Variants in MTUS2 observed in about 807,000 individuals in gnomAD.
The protein encoded by MTUS2 is microtubule-associated tumor suppressor candidate 2.
In MTUS2, 40 loss-of-function variants were observed where a neutral mutation model predicts 114.1. The ratio of observed to expected loss-of-function variants is 0.35; its 90% confidence interval spans 0.27 to 0.46. MTUS2 has a LOEUF of 0.46. Among genes scored for constraint, MTUS2 ranks in the 20% least tolerant of loss-of-function variants. The probability of loss-of-function intolerance (pLI) is 1.00; values close to 1 mark genes in which losing one functional copy is unlikely to be tolerated. For synonymous variants in MTUS2, 688 were observed against 672.0 expected (o/e 1.02, Z -0.37); for missense variants, 1,679 against 1,705.4 (o/e 0.98, Z 0.27).
intron 7 of MTUS2, among the ~76,000 whole-genome samples, chr13:29,354,476 C>A (rs1329301082): frequency 1.3e-5 from 2 of 152,044 alleles, no homozygotes; most frequent in Non-Finnish European, 2.9e-5. Flanking sequence ...TACTGTATGC[C>A]ACGTTTTATC....
intron 2 of MTUS2, among the ~76,000 whole-genome samples, chr13:28,890,184 G>A (rs1403372164): frequency 6.6e-6 from 1 of 152,150 alleles, no homozygotes; most frequent in Non-Finnish European, 1.5e-5. Context: ...AATTCTATAA[G>A]ATGGCTCGGA....
chr13:29,032,053 TC>T (rs1886854533), intron 3 of MTUS2, among the ~76,000 whole-genome samples: 1 of 152,188 alleles, frequency 6.6e-6, no homozygotes, highest in Non-Finnish European at 1.5e-5. Flanking sequence ...GTTTGGGGTT[TC>T]CAAACGTTGT....
intron 2 of MTUS2, among the ~76,000 whole-genome samples, chr13:28,941,230 A>G (rs532000385): frequency 5.6e-4 from 85 of 152,188 alleles, no homozygotes; most frequent in African/African-American, 2.0e-3. Context: ...TATGTGGGTT[A>G]TATTTATATT....
intron 5 of MTUS2, among the ~76,000 whole-genome samples, chr13:29,144,223 G>T (rs1465389714): frequency 6.6e-6 from 1 of 152,172 alleles, no homozygotes; most frequent in Non-Finnish European, 1.5e-5. Context: ...AAACTCAGTA[G>T]CTTAAAACAA....
intron 6 of MTUS2, among the ~76,000 whole-genome samples, chr13:29,313,807 C>A (rs1899874033): frequency 6.6e-6 from 1 of 152,058 alleles, no homozygotes; most frequent in Non-Finnish European, 1.5e-5. Context: ...CCAAGAACTT[C>A]CCAAGAGAGC....
chr13:28,954,847 G>A (rs777351715), intron 2 of MTUS2, among the ~76,000 whole-genome samples: 33 of 152,112 alleles, frequency 2.2e-4, no homozygotes, highest in Non-Finnish European at 3.8e-4. Flanking sequence ...GTTTTGGAAA[G>A]GTCACTTCGA....
At chr13:29,169,252 C>T (rs942472947) in intron 5 of MTUS2, among the ~76,000 whole-genome samples, 2 of 152,098 alleles carry the variant, frequency 1.3e-5, no homozygotes, top group African/African-American at 4.8e-5. Context: ...AAGGATGGAG[C>T]TCTCTATAGA....
At chr13:29,169,595 G>A (rs1302843800) in intron 5 of MTUS2, among the ~76,000 whole-genome samples, 1 of 152,104 alleles carries the variant, frequency 6.6e-6, no homozygotes, top group Non-Finnish European at 1.5e-5. Context: ...TAGATGATAT[G>A]ATATATGTGT....
At chr13:28,941,074 A>AAT (rs1484957441) in intron 2 of MTUS2, among the ~76,000 whole-genome samples, 1 of 151,672 alleles carries the variant, frequency 6.6e-6, no homozygotes, top group Non-Finnish European at 1.5e-5. Flanking sequence ...CAAAGCAAAA[A>AAT]AAAAAATTCA....
chr13:29,436,504 A>G (rs1480883462), intron 8 of MTUS2, among the ~76,000 whole-genome samples: 1 of 152,174 alleles, frequency 6.6e-6, no homozygotes, highest in Non-Finnish European at 1.5e-5. Flanking sequence ...AGTAATTAGT[A>G]AATAATACTT....
intron 2 of MTUS2, among the ~76,000 whole-genome samples, chr13:28,844,363 T>C (rs1875715137): frequency 6.6e-6 from 1 of 152,332 alleles, no homozygotes; most frequent in African/African-American, 2.4e-5. Flanking sequence ...TTTATGTAGT[T>C]GTTATTCATT....
intron 2 of MTUS2, among the ~76,000 whole-genome samples, chr13:28,972,046 C>T (rs1230611938): frequency 6.6e-6 from 1 of 152,182 alleles, no homozygotes; most frequent in Non-Finnish European, 1.5e-5. Flanking sequence ...TCAAATTTCA[C>T]AAGATATAGA....
intron 4 of MTUS2, chr13:29,072,236 AG>A (rs1440476830): frequency 1.3e-5 from 2 of 152,222 alleles, no homozygotes; most frequent in Admixed American, 1.3e-4. Context: ...CTTAATAGAA[AG>A]CACTCAGTAA....
At chr13:29,493,628 C>A (rs949032718) in intron 12 of MTUS2, among the ~76,000 whole-genome samples, 1 of 152,170 alleles carries the variant, frequency 6.6e-6, no homozygotes, top group Non-Finnish European at 1.5e-5. Flanking sequence ...GGGTCACACT[C>A]TCCAGTGTAC....
At chr13:29,434,879 A>G (rs540473675) in intron 8 of MTUS2, among the ~76,000 whole-genome samples, 26 of 152,264 alleles carry the variant, frequency 1.7e-4, no homozygotes, top group Non-Finnish European at 3.4e-4. Context: ...AGCAAGGAAA[A>G]GTGAAAGGCA....
chr13:28,952,643 A>G (rs1023060361), intron 2 of MTUS2, among the ~76,000 whole-genome samples: 2 of 152,224 alleles, frequency 1.3e-5, no homozygotes, highest in African/African-American at 4.8e-5. Context: ...ATATGTGAAC[A>G]TATAAACATA....
At chr13:29,150,821 T>A (rs1892635011) in intron 5 of MTUS2, among the ~76,000 whole-genome samples, 1 of 152,172 alleles carries the variant, frequency 6.6e-6, no homozygotes, top group African/African-American at 2.4e-5. Flanking sequence ...TTATTTTTGT[T>A]GACTTTGTCA....
At chr13:29,460,706 T>G (rs1305039548) in intron 9 of MTUS2, among the ~76,000 whole-genome samples, 1 of 152,208 alleles carries the variant, frequency 6.6e-6, no homozygotes, top group Non-Finnish European at 1.5e-5. Flanking sequence ...CACGAAGGAC[T>G]TGACCAGATG....
intron 2 of MTUS2, among the ~76,000 whole-genome samples, chr13:28,985,725 G>T (rs959899532): frequency 6.6e-6 from 1 of 152,182 alleles, no homozygotes; most frequent in Non-Finnish European, 1.5e-5. Flanking sequence ...ATATTTCTGT[G>T]AGGGTATTTT....
Sources: gnomAD v4.1 joint callset for allele counts (sites outside exome capture counted in the v4.1 genomes callset) on GRCh38, gnomAD v4.1.1 for gene constraint, MANE v1.5 for transcripts, NCBI Gene and HGNC (gene_info 2026-07-23, HGNC 2026-07-21) for gene names.